The following GBP4 variants were observed in gnomAD, a reference collection of about 807,000 sequenced individuals.
The protein encoded by GBP4 is guanylate binding protein 4.
GBP4 carries 69 observed loss-of-function variants against 62.2 expected under a neutral mutation model. That is an observed-to-expected ratio of 1.11 (90% CI 0.91 to 1.36). The LOEUF is 1.36. Among genes scored for constraint, GBP4 ranks in the 40% most tolerant of loss-of-function variants. GBP4 has a pLI of 0.00. For missense variants in GBP4, 697 were observed against 759.3 expected, an observed-to-expected ratio of 0.92 and a Z score of 0.96; for synonymous variants, 278 against 274.6, an observed-to-expected ratio of 1.01 and a Z score of -0.12.
In GBP4 at chr1:89,186,350, G is replaced by C. The variant is rs201719385; in HGVS notation, c.1690C>G (p.Leu564Val). ...AGACTCACCTTCAGCTTGTGTTTTA[G>C]CAGCCTTTCATGCTCTCTGAGAAGG... ...ENLLREHERL[L>V]KHKLKVQEEM... Residue 564 changes from leucine (L) to valine (V), a missense_variant, in exon 10 of 11, where the codon CTA becomes GTA. Leu to Val is a conservative substitution (Grantham distance 32, BLOSUM62 1). Coordinates refer to ENST00000355754, the MANE Select transcript of GBP4 (RefSeq NM_052941.5). 2 of 1,612,966 alleles carry C rather than the reference G, an allele frequency of 1.2e-6. No homozygotes were observed. Among genetic ancestry groups the C allele is most frequent in the African/African-American group, 2.7e-5 (2 of 75,004 alleles).
In GBP4 at chr1:89,188,760, A is replaced by C. The variant is rs1239277485; in HGVS notation, c.1232T>G (p.Leu411Arg). ...TTTGGCAGATGCCTCTTCATTCTGC[A>C]GCACAAAGTCTCCCTTCTTTTTCTC... ...TIEKKKGDFVLQNEEASAKYC... is the reference protein window; with the variant it reads ...TIEKKKGDFVRQNEEASAKYC... Residue 411 changes from leucine (L) to arginine (R), a missense_variant, in exon 8 of 11, where the codon CTG (leucine) becomes CGG (arginine). Transcript: ENST00000355754. 6.2e-7 allele frequency: 1 copy of C among 1,614,262 alleles called. No individual in the cohort carries two copies. Among genetic ancestry groups the C allele is most frequent in the Non-Finnish European group, 8.5e-7 (1 of 1,180,042 alleles).
chr1:89,186,501 A>T lies in GBP4; in HGVS notation c.1539T>A (p.Ala513=). Residue 513 remains alanine (A), a synonymous_variant, in exon 10 of 11, where the codon GCT becomes GCA. Coordinates refer to ENST00000355754, the MANE Select transcript of GBP4 (RefSeq NM_052941.5). ...IAAERAMKEA[A]EKEQELLREK... ...CTCTTAGCAGCTCCTGTTCCTTCTC[A>T]GCTGCTTCCTTCATGGCCCGCTCCG... 1 of 1,614,034 alleles carries T rather than the reference A, an allele frequency of 6.2e-7. No individual in the cohort carries two copies. The highest frequency in any genetic ancestry group is 1.7e-5 in the Admixed American group (1 of 60,008).
Position 89,185,138 on chromosome 1 carries a change from ACTTTT to A in GBP4, c.*111_*115del, listed in dbSNP as rs1200915924. 1 of 588,014 alleles carries A rather than the reference ACTTTT, an allele frequency of 1.7e-6. No individual in the cohort carries two copies. Among genetic ancestry groups the A allele is most frequent in the Non-Finnish European group, 2.9e-6 (1 of 343,896 alleles). The allele number at this position is 588,014 out of a possible 1,614,324, so 36.4% of individuals were successfully genotyped here. A position where few individuals can be genotyped will look rare whatever the true frequency, so the allele number is the denominator to read the frequency against. On this transcript the variant is annotated 3_prime_UTR_variant, in exon 11 of 11. Coordinates refer to ENST00000355754, the MANE Select transcript of GBP4 (RefSeq NM_052941.5). ...TTTGATAATCACTTTTTAATTTTAA[ACTTTT>A]CTTGAATGAAACTGCTATAACACAT...
At chr1:89,192,806 C>T (rs1021397605) in intron 5 of GBP4, 98 bp downstream of exon 5, 1 of 1,113,764 alleles carries the variant, frequency 9.0e-7, no homozygotes, top group African/African-American at 1.5e-5. Flanking sequence ...CAAATCAATC[C>T]AGTCTAATGT....
chr1:89,195,499 T>A, intron 2 of GBP4, 75 bp from the exon 3 acceptor site: 1 of 1,554,366 alleles, frequency 6.4e-7, no homozygotes, highest in Non-Finnish European at 8.8e-7. Flanking sequence ...CCGGTTAAAC[T>A]TGTAGGAATG....
In GBP4 at chr1:89,193,077, A is replaced by C; in HGVS notation, c.497T>G (p.Leu166Arg). The C allele has an allele frequency of 1.2e-6, 2 of 1,614,170 alleles. No individual in the cohort carries two copies. The highest frequency in any genetic ancestry group is 1.7e-6 in the Non-Finnish European group (2 of 1,179,998). Residue 166 changes from leucine to arginine, a missense_variant, in exon 5 of 11, where the codon CTA becomes CGA. Leu to Arg is a moderately radical substitution (Grantham distance 102). This residue lies in a region of GBP4 where 556 missense variants were observed against 562.7 expected (regional missense o/e 0.99). Coordinates refer to ENST00000355754, the MANE Select transcript of GBP4 (RefSeq NM_052941.5). The stretch of plus-strand genomic sequence containing the variant: ...TCTGGGGCAGGATTTTGCCCTGATT[A>C]GCTCTGCTAGCTCAGTCACATAGCT... ...QLHYVTELAE[L>R]IRAKSCPRPD...
chr1:89,198,117 C>G (rs796209747), intron 1 of GBP4, among the ~76,000 whole-genome samples: 7 of 152,076 alleles, frequency 4.6e-5, no homozygotes, highest in African/African-American at 1.5e-4. Context: ...GTACTAGGTG[C>G]AGGGGCTTTA....
intron 3 of GBP4, 24 bp from the exon 4 acceptor site, chr1:89,193,436 A>T: frequency 1.3e-6 from 2 of 1,567,998 alleles, no homozygotes; most frequent in Non-Finnish European, 1.8e-6. Flanking sequence ...AAAGCAAAAG[A>T]CTTAGGAGTA....
chr1:89,197,387 C>A, intron 1 of GBP4, 83 bp from the exon 2 acceptor site: 1 of 1,098,318 alleles, frequency 9.1e-7, no homozygotes, highest in Non-Finnish European at 1.3e-6. Context: ...TACATATTAG[C>A]TTTTTGCTTG....
In GBP4 at chr1:89,187,032, TTGTC is replaced by T. The variant is rs773378979; in HGVS notation, c.1477_1480del (p.Asp493LysfsTer10). The T allele has an allele frequency of 1.6e-5, 26 of 1,614,130 alleles. 1 individual carries two copies. In the South Asian group the frequency reaches 2.9e-4, roughly 18 times the overall value. On this transcript the variant is annotated frameshift_variant, in exon 9 of 11. Coordinates refer to ENST00000355754, the MANE Select transcript of GBP4 (RefSeq NM_052941.5). LOFTEE classifies it high-confidence loss of function. ...GGCCTTCTCTCCAGCAGTGAGGGCT[TTGTC>T]TGACTGCAGGATGGATTCCTCTACA...
Position 89,188,942 on chromosome 1 carries a change from A to C in GBP4, c.1198-148T>G, listed in dbSNP as rs561567059. On this transcript the variant is annotated intron_variant, in intron 7 of 10. Coordinates refer to ENST00000355754, the MANE Select transcript of GBP4 (RefSeq NM_052941.5). ...GAGTCACAAGAATGATTTTGTTCCC[A>C]ACTATGTGATCTGTGTGACCTGTGG... is the stretch of plus-strand genomic sequence containing the variant. 10 of 856,448 alleles carry C rather than the reference A, an allele frequency of 1.2e-5. No homozygotes were observed. The South Asian group carries it at 1.5e-4, about 13-fold the overall frequency. 53.1% of individuals were successfully genotyped at this position (856,448 alleles called of 1,614,324 possible).
In GBP4 at chr1:89,186,220, C is replaced by G; in HGVS notation, c.1707+113G>C. ...GTATTTGAGATTTTAGTGAAACATA[C>G]AACTTTTGTGTTTCCTTCTGGAATC... On this transcript the variant is annotated intron_variant, in intron 10 of 10. Transcript: ENST00000355754. 8.8e-6 allele frequency: 7 copies of G among 795,000 alleles called. No homozygotes were observed. The South Asian group carries it at 1.0e-4, about 12-fold the overall frequency. The allele number at this position is 795,000 out of a possible 1,614,324, so 49.2% of individuals were successfully genotyped here. A position where few individuals can be genotyped will look rare whatever the true frequency, so the allele number is the denominator to read the frequency against.
At chr1:89,190,344 T>C (rs747716386) in intron 6 of GBP4, 26 bp from the exon 7 acceptor site, 25 of 1,548,324 alleles carry the variant, frequency 1.6e-5, no homozygotes, top group South Asian at 8.6e-5. Context: ...TTAGGGAAAA[T>C]TTACAGTTCT....
chr1:89,187,286 C>T (rs1380960534), intron 8 of GBP4, among the ~76,000 whole-genome samples, 184 bp from the exon 9 acceptor site: 1 of 152,112 alleles, frequency 6.6e-6, no homozygotes, highest in Non-Finnish European at 1.5e-5. Flanking sequence ...TCATAAAAAC[C>T]CTGTGCAGCA....
chr1:89,186,041 A>G (rs2100673189), intron 10 of GBP4, among the ~76,000 whole-genome samples: 1 of 152,290 alleles, frequency 6.6e-6, no homozygotes, highest in African/African-American at 2.4e-5. Flanking sequence ...TTGGTGGACT[A>G]AGGTCCTATT....
At position 89,193,079 on chromosome 1, in the gene GBP4, C is replaced by T. The variant is rs368080989; in HGVS notation, c.495G>A (p.Glu165=). ...TGGGGCAGGATTTTGCCCTGATTAGCTCTGCTAGCTCAGTCACATAGCTGG... is the reference window on the plus strand; with the variant it reads ...TGGGGCAGGATTTTGCCCTGATTAGTTCTGCTAGCTCAGTCACATAGCTGG... ...EQLHYVTELA[E]LIRAKSCPRP... is the part of the protein sequence containing the mutation. Residue 165 remains glutamate, a synonymous_variant, in exon 5 of 11, where the codon GAG becomes GAA. Coordinates refer to ENST00000355754, the MANE Select transcript of GBP4 (RefSeq NM_052941.5). 3 of 1,614,160 alleles carry T rather than the reference C, an allele frequency of 1.9e-6. No individual in the cohort carries two copies. The highest frequency in any genetic ancestry group is 4.5e-5 in the East Asian group (2 of 44,888).
In GBP4 at chr1:89,195,432, G is replaced by T; in HGVS notation, c.236-8C>A. 5 of 1,613,454 alleles carry T rather than the reference G, an allele frequency of 3.1e-6. No homozygotes were observed. The highest frequency in any genetic ancestry group is 4.2e-6 in the Non-Finnish European group (5 of 1,179,572). On this transcript the variant is annotated splice_region_variant and splice_polypyrimidine_tract_variant and intron_variant, in intron 2 of 10. Transcript: ENST00000355754. ...TGGAGCCCAGAGGGAAGCCTGCAGG[G>T]AAGAGGAAAAATAACAAACAGTAAC... is the stretch of plus-strand genomic sequence containing the variant.
intron 2 of GBP4, among the ~76,000 whole-genome samples, chr1:89,196,685 A>T (rs1648350081): frequency 6.6e-6 from 1 of 152,246 alleles, no homozygotes; most frequent in Non-Finnish European, 1.5e-5. Flanking sequence ...AAAATTAGAA[A>T]TGGTAGCCCA....
chr1:89,197,077 A>C (rs375917088), intron 2 of GBP4, 33 bp downstream of exon 2: 1 of 1,569,914 alleles, frequency 6.4e-7, no homozygotes, highest in Non-Finnish European at 8.7e-7. Flanking sequence ...ACTGGTTCCA[A>C]GTAAATGGCT....
Sources: gnomAD v4.1 joint callset for allele counts (sites outside exome capture counted in the v4.1 genomes callset) on GRCh38, gnomAD v4.1.1 for gene constraint, gnomAD v4.1.1 regional missense constraint, MANE v1.5 for transcripts, NCBI Gene and HGNC (gene_info 2026-07-23, HGNC 2026-07-21) for gene names.